The following CAP1 variants were observed in gnomAD, a reference collection of about 807,000 sequenced individuals.
The protein encoded by CAP1 is adenylyl cyclase-associated protein 1.
A neutral mutation model predicts 58.2 loss-of-function variants in CAP1; 11 were observed. The ratio of observed to expected loss-of-function variants is 0.19; its 90% CI spans 0.12 to 0.31. The LOEUF (loss-of-function observed/expected upper bound fraction) is 0.31. Ranked by LOEUF, CAP1 falls within the 10% of genes least tolerant of loss-of-function variation. The pLI, the probability that CAP1 is intolerant of heterozygous loss-of-function variation, is 1.00. For synonymous variants in CAP1, 183 were observed against 213.8 expected, an observed-to-expected ratio of 0.86 and a Z score of 1.26; for missense variants, 423 against 587.5, an observed-to-expected ratio of 0.72 and a Z score of 2.89.
chr1:40,056,470 A>G (rs1646623289), intron 1 of CAP1, among the ~76,000 whole-genome samples: 1 of 151,308 alleles, frequency 6.6e-6, no homozygotes, highest in Non-Finnish European at 1.5e-5. Context: ...TAATTTTTTT[A>G]TTTTCTGTAG....
intron 1 of CAP1, among the ~76,000 whole-genome samples, chr1:40,049,563 GTT>G (rs1223295674): frequency 1.3e-5 from 2 of 152,082 alleles, no homozygotes; most frequent in African/African-American, 2.4e-5. Context: ...CAAGCTCATA[GTT>G]TCTTTTTACT....
chr1:40,059,071 G>A (rs1192582834), intron 1 of CAP1, among the ~76,000 whole-genome samples: 2 of 147,448 alleles, frequency 1.4e-5, no homozygotes, highest in Non-Finnish European at 3.0e-5. Flanking sequence ...ATTTGAATGA[G>A]TAAGCATTTA....
At chr1:40,058,214 T>C (rs1646695392) in intron 1 of CAP1, among the ~76,000 whole-genome samples, 3 of 152,234 alleles carry the variant, frequency 2.0e-5, no homozygotes, top group Admixed American at 2.0e-4. Flanking sequence ...TGTCCTTCCC[T>C]ACTGCATGTC....
At chr1:40,066,103 C>T in intron 6 of CAP1, 112 bp from the exon 7 acceptor site, 1 of 662,218 alleles carries the variant, frequency 1.5e-6, no homozygotes, top group South Asian at 1.8e-5. Flanking sequence ...TGAGCGGAGC[C>T]TAAGAAACAC....
At chr1:40,061,870 T>A in intron 4 of CAP1, 58 bp downstream of exon 4, 1 of 1,232,836 alleles carries the variant, frequency 8.1e-7, no homozygotes. Context: ...AGTTGAGAGA[T>A]TTATGTCAAG....
chr1:40,041,362 A>T (rs1356162074), intron 1 of CAP1: 1 of 151,970 alleles, frequency 6.6e-6, no homozygotes. Flanking sequence ...CTCTCCTCCC[A>T]AATTGAGCCG....
At position 40,072,452 on chromosome 1, in the gene CAP1, G is replaced by T. The variant is rs1473563277; in HGVS notation, c.*919G>T. On this transcript the variant is annotated 3_prime_UTR_variant, in exon 13 of 13. Coordinates refer to ENST00000372805, the MANE Select transcript of CAP1 (RefSeq NM_006367.4). ...TGGTTTTAGGTCTTGAATTATGTAAGAATCTTGCACAGCACTGCTAATGTA... is the reference window on the plus strand; with the variant it reads ...TGGTTTTAGGTCTTGAATTATGTAATAATCTTGCACAGCACTGCTAATGTA... 5.4e-6 allele frequency: 1 copy of T among 184,668 alleles called. No homozygotes were observed. Among genetic ancestry groups the T allele is most frequent in the Non-Finnish European group, 1.1e-5 (1 of 90,370 alleles). 11.4% of individuals were successfully genotyped at this position (184,668 alleles called of 1,614,324 possible).
At chr1:40,056,978 A>T (rs916970029) in intron 1 of CAP1, among the ~76,000 whole-genome samples, 20 of 152,044 alleles carry the variant, frequency 1.3e-4, no homozygotes, top group African/African-American at 4.1e-4. Flanking sequence ...TGGTAGCTGT[A>T]TTGTCCTTTT....
chr1:40,041,644 C>T (rs1224793647), intron 1 of CAP1, among the ~76,000 whole-genome samples: 1 of 151,504 alleles, frequency 6.6e-6, no homozygotes, highest in East Asian at 1.9e-4. Context: ...AGATTAAATT[C>T]AGCGTAACAA....
At position 40,072,361 on chromosome 1, in the gene CAP1, C is replaced by T. The variant is rs1648223889; in HGVS notation, c.*828C>T. 9.5e-6 allele frequency: 3 copies of T among 314,188 alleles called. No homozygotes were observed. The highest frequency in any genetic ancestry group is 9.9e-5 in the Admixed American group (2 of 20,116). 19.5% of individuals were successfully genotyped at this position (314,188 alleles called of 1,614,324 possible). ...GTCTTCACTGCCTCCTTTTCCCTGTCATGCTCATCAGCTTATGGCTTCTGT... is the reference window on the plus strand; with the variant it reads ...GTCTTCACTGCCTCCTTTTCCCTGTTATGCTCATCAGCTTATGGCTTCTGT... On this transcript the variant is annotated 3_prime_UTR_variant, in exon 13 of 13. Coordinates refer to ENST00000372805, the MANE Select transcript of CAP1 (RefSeq NM_006367.4).
chr1:40,058,647 A>C (rs1279547706), intron 1 of CAP1, among the ~76,000 whole-genome samples: 1 of 152,074 alleles, frequency 6.6e-6, no homozygotes, highest in Admixed American at 6.6e-5. Context: ...CTTGAACCCA[A>C]CAGGGTGGAG....
At chr1:40,048,568 TTTA>T (rs917925533) in intron 1 of CAP1, among the ~76,000 whole-genome samples, 3 of 152,142 alleles carry the variant, frequency 2.0e-5, no homozygotes, top group African/African-American at 4.8e-5. Context: ...AGTAGAGATT[TTTA>T]TTATTATTAT....
intron 12 of CAP1, 115 bp from the exon 13 acceptor site, chr1:40,071,335 A>G (rs774382667): frequency 4.2e-6 from 3 of 719,084 alleles, no homozygotes; most frequent in Non-Finnish European, 7.3e-6. Flanking sequence ...CTCTTGCTAC[A>G]TTGTACCGTG....
At position 40,064,239 on chromosome 1, in the gene CAP1, G is replaced by A. The variant is rs560801542; in HGVS notation, c.307G>A (p.Asp103Asn). The change falls in exon 5 of 13, where the codon GAT (aspartate) becomes AAT (asparagine). Residue 103 changes from aspartate (D) to asparagine (N), a missense_variant. Coordinates refer to ENST00000372805, the MANE Select transcript of CAP1 (RefSeq NM_006367.4). ...CQQPAENKLS[D>N]LLAPISEQIK... Reference sequence around the variant, plus strand: ...TATCTTTTCCTAGAATAAGCTTTCCGATTTGTTGGCACCCATCTCAGAGCA... The same window carrying A: ...TATCTTTTCCTAGAATAAGCTTTCCAATTTGTTGGCACCCATCTCAGAGCA... 284 of 1,614,078 alleles carry A rather than the reference G, an allele frequency of 1.8e-4. 4 individuals are homozygous for A. The South Asian group carries it at 2.9e-3, about 17-fold the overall frequency.
At chr1:40,047,550 C>T (rs574998029) in intron 1 of CAP1, among the ~76,000 whole-genome samples, 6 of 152,292 alleles carry the variant, frequency 3.9e-5, no homozygotes, top group South Asian at 2.1e-4. Flanking sequence ...TAAGGACAAA[C>T]GTCATCCTTG....
chr1:40,060,916 A>G (rs1646822040), intron 3 of CAP1, among the ~76,000 whole-genome samples: 1 of 152,190 alleles, frequency 6.6e-6, no homozygotes, highest in African/African-American at 2.4e-5. Context: ...GGAGGCTTGC[A>G]TTTTTACTTA....
intron 1 of CAP1, among the ~76,000 whole-genome samples, chr1:40,055,365 A>C (rs1646567050): frequency 6.6e-6 from 1 of 152,184 alleles, no homozygotes. Context: ...TATAATTATA[A>C]ATATTTCTTT....
chr1:40,052,829 G>A (rs369559692), intron 1 of CAP1, among the ~76,000 whole-genome samples: 2 of 151,634 alleles, frequency 1.3e-5, no homozygotes, highest in East Asian at 3.9e-4. Flanking sequence ...GGTGGCTCAC[G>A]CCTGTAATCC....
chr1:40,062,773 T>TGTGTGTGTG (rs111329903), intron 4 of CAP1, among the ~76,000 whole-genome samples: 2 of 145,526 alleles, frequency 1.4e-5, no homozygotes, highest in Non-Finnish European at 3.0e-5. Context: ...TCAAAAAACA[T>TGTGTGTGTG]TGTGTGTGTG....
Sources: allele counts gnomAD v4.1 joint callset (sites outside exome capture counted in the v4.1 genomes callset), GRCh38; gene constraint gnomAD v4.1.1; transcripts MANE v1.5; gene names NCBI Gene and HGNC (gene_info 2026-07-23, HGNC 2026-07-21).